Variants in OPCML observed in about 807,000 individuals in gnomAD.
OPCML encodes opioid binding protein/cell adhesion molecule like, also known as opioid-binding protein/cell adhesion molecule.
OPCML carries 13 observed loss-of-function variants against 37.8 expected under a neutral mutation model. The observed-to-expected ratio is 0.34, with a 90% CI of 0.22 to 0.55. The LOEUF is 0.55. OPCML is among the 20% of genes least tolerant of loss of function. The probability of loss-of-function intolerance (pLI) is 0.91; values close to 1 mark genes in which losing one functional copy is unlikely to be tolerated. For missense variants in OPCML, 341 were observed against 435.6 expected, an observed-to-expected ratio of 0.78 and a Z score of 1.93; for synonymous variants, 176 against 168.8, an observed-to-expected ratio of 1.04 and a Z score of -0.33.
intron 3 of OPCML, among the ~76,000 whole-genome samples, chr11:132,549,060 T>C (rs1024538751): frequency 1.3e-5 from 2 of 152,082 alleles, no homozygotes; most frequent in Non-Finnish European, 2.9e-5. Flanking sequence ...CCCAGGAGGT[T>C]AGGCATTCTT....
At chr11:132,747,867 A>C (rs192416397) in intron 2 of OPCML, among the ~76,000 whole-genome samples, 1 of 152,206 alleles carries the variant, frequency 6.6e-6, no homozygotes, top group Admixed American at 6.5e-5. Context: ...GGGTCTCACT[A>C]TGTTGTCCAG....
intron 4 of OPCML, among the ~76,000 whole-genome samples, chr11:132,475,628 A>C (rs1054174438): frequency 6.6e-6 from 1 of 152,128 alleles, no homozygotes; most frequent in African/African-American, 2.4e-5. Flanking sequence ...AGTTAAAGAG[A>C]TATCTCAAAG....
chr11:132,542,012 C>A (rs7480351), intron 3 of OPCML, among the ~76,000 whole-genome samples: 19,380 of 152,188 alleles, frequency 0.13, 1,576 homozygotes, highest in East Asian at 0.35. Context: ...AGGGGAAGTC[C>A]AGCATCTTCT....
At chr11:133,466,477 G>A (rs1946979281) in intron 1 of OPCML, among the ~76,000 whole-genome samples, 1 of 152,202 alleles carries the variant, frequency 6.6e-6, no homozygotes, top group African/African-American at 2.4e-5. Flanking sequence ...GAGATGGCCA[G>A]TGGAAGCACA....
chr11:133,113,513 A>G (rs4548631), intron 1 of OPCML, among the ~76,000 whole-genome samples: 103,580 of 152,148 alleles, frequency 0.68, 35,420 homozygotes, highest in East Asian at 0.8. Context: ...AATGCCACTA[A>G]GCTGAACGCT....
intron 3 of OPCML, among the ~76,000 whole-genome samples, chr11:132,635,826 A>G (rs1309759548): frequency 2.6e-5 from 4 of 152,174 alleles, no homozygotes; most frequent in Non-Finnish European, 1.5e-5. Flanking sequence ...AATCATGATC[A>G]TAAGTCATCA....
At chr11:133,000,935 TG>T (rs1447230036) in intron 1 of OPCML, among the ~76,000 whole-genome samples, 1 of 152,174 alleles carries the variant, frequency 6.6e-6, no homozygotes, top group Non-Finnish European at 1.5e-5. Flanking sequence ...TAACACAGTA[TG>T]GCAGCTCCCC....
chr11:132,966,747 A>C (rs1478958034), intron 1 of OPCML, among the ~76,000 whole-genome samples: 1 of 152,014 alleles, frequency 6.6e-6, no homozygotes, highest in African/African-American at 2.4e-5. Context: ...TGTTGTACTT[A>C]TGTTTATAAT....
At chr11:133,390,335 C>A (rs957385141) in intron 1 of OPCML, among the ~76,000 whole-genome samples, 3 of 151,860 alleles carry the variant, frequency 2.0e-5, no homozygotes, top group Non-Finnish European at 4.4e-5. Context: ...TGGTGGCGGG[C>A]GCCTGTAGTC....
Position 133,157,030 on chromosome 11 carries a change from G to A in OPCML, c.62-214020C>T, listed in dbSNP as rs139957421. 4.6e-3 allele frequency among the ~76,000 whole-genome samples: 706 copies of A among 152,076 alleles called. 2 individuals are homozygous for A. Among genetic ancestry groups the A allele is most frequent in the Non-Finnish European group, 5.8e-3 (392 of 68,002 alleles). ...TTAAGAAATGCATCCTTACAGCCACGGAGATACGAGATGCTGGGCTCCGGC... is the reference window on the plus strand; with the variant it reads ...TTAAGAAATGCATCCTTACAGCCACAGAGATACGAGATGCTGGGCTCCGGC... On this transcript the variant is annotated intron_variant, in intron 1 of 7. Transcript: ENST00000524381.
intron 1 of OPCML, among the ~76,000 whole-genome samples, chr11:133,270,339 C>T (rs1454488561): frequency 6.6e-6 from 1 of 151,904 alleles, no homozygotes; most frequent in African/African-American, 2.4e-5. Flanking sequence ...TGCTAGGGAG[C>T]TTTAAAATAT....
Position 132,890,874 on chromosome 11 carries a change from GA to G in OPCML, c.146+52051del, listed in dbSNP as rs1386569004. Reference sequence around the variant, plus strand: ...TCCATCTCAAAAAAAAAAAAAAAAAGAAAAAAAAAGAAAAGAAAAATGACCC... The same window carrying G: ...TCCATCTCAAAAAAAAAAAAAAAAAGAAAAAAAAGAAAAGAAAAATGACCC... On this transcript the variant is annotated intron_variant, in intron 2 of 7. Transcript: ENST00000524381. Among the ~76,000 whole-genome samples, 8 of 134,252 alleles carry G rather than the reference GA, an allele frequency of 6.0e-5. No homozygotes were observed. In the South Asian group the frequency reaches 7.5e-4, roughly 13 times the overall value. 88.1% of individuals were successfully genotyped at this position (134,252 alleles called of 152,430 possible).
intron 4 of OPCML, among the ~76,000 whole-genome samples, chr11:132,447,609 C>T (rs1475294649): frequency 1.3e-5 from 2 of 152,146 alleles, no homozygotes; most frequent in Non-Finnish European, 2.9e-5. Context: ...CATACCCGGT[C>T]GACAGTGTAC....
At chr11:132,780,111 CAA>C (rs1284268478) in intron 2 of OPCML, among the ~76,000 whole-genome samples, 2 of 152,202 alleles carry the variant, frequency 1.3e-5, no homozygotes, top group Non-Finnish European at 1.5e-5. Flanking sequence ...CAATCCTCAT[CAA>C]AACACATCGT....
At chr11:132,860,849 A>C (rs1450023412) in intron 2 of OPCML, 1 of 152,138 alleles carries the variant, frequency 6.6e-6, no homozygotes, top group East Asian at 1.9e-4. Context: ...GACACATAAA[A>C]CGTTATGACA....
chr11:132,741,088 C>A (rs1945419942), intron 2 of OPCML, among the ~76,000 whole-genome samples: 1 of 152,102 alleles, frequency 6.6e-6, no homozygotes, highest in Non-Finnish European at 1.5e-5. Flanking sequence ...TGTCTGTATT[C>A]CTCATAACTG....
intron 1 of OPCML, among the ~76,000 whole-genome samples, chr11:132,999,383 G>A (rs1019298083): frequency 6.6e-6 from 1 of 152,060 alleles, no homozygotes; most frequent in African/African-American, 2.4e-5. Flanking sequence ...TTTCCAGATG[G>A]GTTGGAATAA....
At chr11:133,141,106 G>GAAGA (rs1565469422) in intron 1 of OPCML, among the ~76,000 whole-genome samples, 13 of 138,442 alleles carry the variant, frequency 9.4e-5, no homozygotes, top group African/African-American at 2.1e-4. Context: ...AGAAGAAGAA[G>GAAGA]CAGCTGAATG....
At chr11:132,941,534 G>C (rs1365446491) in intron 2 of OPCML, among the ~76,000 whole-genome samples, 2 of 152,166 alleles carry the variant, frequency 1.3e-5, no homozygotes, top group Non-Finnish European at 2.9e-5. Flanking sequence ...ATGCGTATTG[G>C]GAAATGTTCC....
Sources: allele counts gnomAD v4.1 joint callset (sites outside exome capture counted in the v4.1 genomes callset), GRCh38; gene constraint gnomAD v4.1.1; transcripts MANE v1.5; gene names NCBI Gene and HGNC (gene_info 2026-07-23, HGNC 2026-07-21).